SPIN2A: variants seen among roughly 807,000 people sequenced by gnomAD.
SPIN2A encodes spindlin-2A.
Under a neutral mutation model 9.2 loss-of-function variants are expected in SPIN2A, and 4 were observed. The ratio of observed to expected loss-of-function variants is 0.44; its 90% CI spans 0.21 to 1.00. SPIN2A has a LOEUF of 1.00. Ranked by LOEUF, SPIN2A falls within the 50% of genes least tolerant of loss-of-function variation. The pLI is 0.26. For missense variants in SPIN2A, 77 were observed against 172.8 expected (o/e 0.45, Z 3.11); for synonymous variants, 25 against 61.2 (o/e 0.41, Z 2.76).
In SPIN2A at chrX:57,135,838, A is replaced by T; in HGVS notation, c.760T>A (p.Leu254Met). The T allele has an allele frequency of 1.7e-6, 2 of 1,192,622 alleles. No homozygotes were observed. Among genetic ancestry groups the T allele is most frequent in the Non-Finnish European group, 2.2e-6 (2 of 889,258 alleles). The change falls in exon 2 of 2, where the codon TTG becomes ATG. Residue 254 changes from leucine to methionine, a missense_variant. By Grantham distance (15) the Leu-to-Met change is conservative. Coordinates refer to ENST00000374906, the MANE Select transcript of SPIN2A (RefSeq NM_019003.5). ...DDDFHIYVYD[L>M]VKKS ...CCTAACAGTTAGGACTTTTTCACCA[A>T]ATCGTAGACATAGATATGGAAATCA... is the stretch of plus-strand genomic sequence containing the variant.
the SPIN2A span, among the ~76,000 whole-genome samples, chrX:57,145,211 C>A: frequency 9.4e-6 from 1 of 106,202 alleles, no homozygotes; most frequent in Non-Finnish European, 1.9e-5. Flanking sequence ...ACATCCATAC[C>A]AGCATCTATT....
chrX:57,141,308 T>C (rs758017296), upstream of SPIN2A, among the ~76,000 whole-genome samples: 6 of 112,369 alleles, frequency 5.3e-5, no homozygotes, highest in Non-Finnish European at 1.1e-4. Flanking sequence ...GTGAATGATC[T>C]TTGAAATTTG....
chrX:57,146,567 G>A, the SPIN2A span, among the ~76,000 whole-genome samples: 12 of 111,753 alleles, frequency 1.1e-4, no homozygotes, highest in African/African-American at 3.2e-4. Context: ...TCTTTGTCTT[G>A]TCTGATTGCT....
the SPIN2A span, among the ~76,000 whole-genome samples, chrX:57,145,266 G>A: frequency 9.2e-6 from 1 of 108,272 alleles, no homozygotes; most frequent in Admixed American, 9.7e-5. Context: ...GGGGGGGTAA[G>A]GTGGTATTAC....
chrX:57,143,670 G>T, the SPIN2A span, among the ~76,000 whole-genome samples: 2 of 110,473 alleles, frequency 1.8e-5, no homozygotes, highest in Non-Finnish European at 3.8e-5. Context: ...TAGACAGGGG[G>T]TTTCTCCATG....
chrX:57,144,912 A>ATG, the SPIN2A span, among the ~76,000 whole-genome samples: 1 of 85,101 alleles, frequency 1.2e-5, no homozygotes, highest in Non-Finnish European at 2.1e-5. Flanking sequence ...ATGTATATGT[A>ATG]TGTGTGTGCA....
downstream of SPIN2A, chrX:57,135,030 C>A (rs1927640812): frequency 9.0e-6 from 1 of 111,679 alleles, no homozygotes; most frequent in Admixed American, 9.5e-5. Flanking sequence ...AGAAGTCCAA[C>A]ATTTTCCTGG....
chrX:57,143,392 G>A, the SPIN2A span, among the ~76,000 whole-genome samples: 1 of 110,666 alleles, frequency 9.0e-6, no homozygotes, highest in Non-Finnish European at 1.9e-5. Flanking sequence ...CTGAAAAAAT[G>A]CTACACTTTA....
chrX:57,141,681 T>G (rs916993646), upstream of SPIN2A, among the ~76,000 whole-genome samples: 3 of 111,897 alleles, frequency 2.7e-5, no homozygotes, highest in African/African-American at 9.7e-5. Context: ...TGTCTAGGAA[T>G]TTACCCATTT....
At chrX:57,140,685 C>A (rs186024955), upstream of SPIN2A, among the ~76,000 whole-genome samples, 2 of 110,325 alleles carry the variant, frequency 1.8e-5, no homozygotes, top group Admixed American at 9.7e-5. Flanking sequence ...TCAGCATCAG[C>A]GATGCAGCTG....
chrX:57,134,476 A>G (rs1417220064), downstream of SPIN2A: 2 of 110,739 alleles, frequency 1.8e-5, no homozygotes, highest in Non-Finnish European at 3.8e-5. Context: ...GGAGCCACCT[A>G]TGGTTTCAGG....
At chrX:57,137,023 A>C (rs1927821494) in intron 1 of SPIN2A, 8 of 820,383 alleles carry the variant, frequency 9.8e-6, no homozygotes, top group East Asian at 9.8e-5. Flanking sequence ...CCTGTTACCT[A>C]CCTCCCTTGC....
At chrX:57,138,065 T>C (rs1927886632), upstream of SPIN2A, among the ~76,000 whole-genome samples, 1 of 112,217 alleles carries the variant, frequency 8.9e-6, no homozygotes, top group African/African-American at 3.2e-5. Flanking sequence ...CAAAGCATTA[T>C]GTAGGCATAT....
Position 57,135,718 on chromosome X carries a change from T to C in SPIN2A, c.*103A>G. 1 of 1,140,300 alleles carries C rather than the reference T, an allele frequency of 8.8e-7. No homozygotes were observed. Among genetic ancestry groups the C allele is most frequent in the Non-Finnish European group, 1.2e-6 (1 of 860,138 alleles). The allele number at this position is 1,140,300 out of a possible 1,213,427, so 94.0% of individuals were successfully genotyped here. A position where few individuals can be genotyped will look rare whatever the true frequency, so the allele number is the denominator to read the frequency against. On this transcript the variant is annotated 3_prime_UTR_variant, in exon 2 of 2. Coordinates refer to ENST00000374906, the MANE Select transcript of SPIN2A (RefSeq NM_019003.5). The stretch of plus-strand genomic sequence containing the variant: ...TAATGCTGGCAAAGATGTTTAGTTA[T>C]CAGGGATTCCATAAGCTTTCAGTAC...
chrX:57,137,375 A>C lies in SPIN2A; in HGVS notation c.-121T>G. ...TCCATAGATGAGGAGCGTGTGTAGG[A>C]GCGCGGCGAGACAGGCAAAGAGCAC... On this transcript the variant is annotated 5_prime_UTR_variant, in exon 1 of 2. Transcript: ENST00000374906. 1.3e-6 allele frequency: 1 copy of C among 753,062 alleles called. No homozygotes were observed. The highest frequency in any genetic ancestry group is 1.6e-6 in the Non-Finnish European group (1 of 637,986). 62.1% of individuals were successfully genotyped at this position (753,062 alleles called of 1,213,427 possible).
chrX:57,137,362 G>A lies in SPIN2A; in HGVS notation c.-108C>T, dbSNP rs1391521197. ...GGGGAGGGTAGGATCCATAGATGAG[G>A]AGCGTGTGTAGGAGCGCGGCGAGAC... On this transcript the variant is annotated 5_prime_UTR_variant, in exon 1 of 2. Coordinates refer to ENST00000374906, the MANE Select transcript of SPIN2A (RefSeq NM_019003.5). 1.2e-5 allele frequency: 9 copies of A among 755,669 alleles called. No individual in the cohort carries two copies. Among genetic ancestry groups the A allele is most frequent in the Admixed American group, 8.2e-5 (1 of 12,247 alleles). 62.3% of individuals were successfully genotyped at this position (755,669 alleles called of 1,213,427 possible). A position where few individuals can be genotyped will look rare whatever the true frequency, so the allele number is the denominator to read the frequency against.
the SPIN2A span, among the ~76,000 whole-genome samples, chrX:57,143,489 A>G: frequency 9.1e-6 from 1 of 109,959 alleles, no homozygotes; most frequent in Non-Finnish European, 1.9e-5. Flanking sequence ...TATTATTATT[A>G]TTATTGAGAT....
At chrX:57,140,412 T>C, upstream of SPIN2A, among the ~76,000 whole-genome samples, 1 of 73,177 alleles carries the variant, frequency 1.4e-5, no homozygotes, top group Non-Finnish European at 2.3e-5. Flanking sequence ...AAACCCCATC[T>C]CTACCAAAAA....
chrX:57,137,458 C>A (rs984527142), upstream of SPIN2A: 2 of 551,263 alleles, frequency 3.6e-6, no homozygotes. Context: ...TTGGTGGCGG[C>A]CACCCCTCAG....
Sources: gnomAD v4.1 joint callset for allele counts (sites outside exome capture counted in the v4.1 genomes callset) on GRCh38, gnomAD v4.1.1 for gene constraint, MANE v1.5 for transcripts, NCBI Gene and HGNC (gene_info 2026-07-23, HGNC 2026-07-21) for gene names.